Variants in NTM observed in about 807,000 individuals in gnomAD.
The protein encoded by NTM is neurotrimin.
NTM carries 13 observed loss-of-function variants against 42.1 expected under a neutral mutation model. The ratio of observed to expected loss-of-function variants is 0.31; its 90% CI spans 0.20 to 0.49. The LOEUF is 0.49. NTM is among the 20% of genes least tolerant of loss of function. The probability of loss-of-function intolerance (pLI) is 0.99; values close to 1 mark genes in which losing one functional copy is unlikely to be tolerated. For synonymous variants in NTM, 187 were observed against 179.2 expected (o/e 1.04, Z -0.35); for missense variants, 373 against 452.8 (o/e 0.82, Z 1.60).
intron 1 of NTM, among the ~76,000 whole-genome samples, chr11:131,465,960 C>T (rs1283464605): frequency 6.6e-6 from 1 of 152,222 alleles, no homozygotes; most frequent in Non-Finnish European, 1.5e-5. Context: ...GGGGGCATGG[C>T]CCTTTGAGCG....
chr11:131,930,191 C>A (rs2058439245), intron 2 of NTM, among the ~76,000 whole-genome samples: 1 of 152,136 alleles, frequency 6.6e-6, no homozygotes, highest in Non-Finnish European at 1.5e-5. Flanking sequence ...ATTAGAAATG[C>A]ATTTGAAACT....
At chr11:131,743,232 GTT>G (rs1179655978) in intron 1 of NTM, among the ~76,000 whole-genome samples, 3 of 141,082 alleles carry the variant, frequency 2.1e-5, no homozygotes, top group African/African-American at 7.7e-5. Context: ...ATTGTTAATG[GTT>G]TTTTTTTTTT....
At chr11:131,426,611 G>A (rs376167111) in intron 1 of NTM, among the ~76,000 whole-genome samples, 5 of 152,062 alleles carry the variant, frequency 3.3e-5, no homozygotes, top group Admixed American at 1.3e-4. Context: ...GCATTTCGGC[G>A]GCTCTTAATC....
At chr11:131,430,743 C>A (rs1467666405) in intron 1 of NTM, among the ~76,000 whole-genome samples, 6 of 152,222 alleles carry the variant, frequency 3.9e-5, no homozygotes, top group African/African-American at 1.2e-4. Flanking sequence ...AGGTCCTCTG[C>A]CCCCCACCAT....
At chr11:131,461,542 C>T (rs1027561589) in intron 1 of NTM, among the ~76,000 whole-genome samples, 15 of 151,864 alleles carry the variant, frequency 9.9e-5, no homozygotes, top group Non-Finnish European at 2.1e-4. Flanking sequence ...CCAGGGGTAG[C>T]GGGGTGGAGG....
intron 1 of NTM, among the ~76,000 whole-genome samples, chr11:131,666,584 G>A (rs1300061932): frequency 6.6e-6 from 1 of 152,170 alleles, no homozygotes; most frequent in Non-Finnish European, 1.5e-5. Flanking sequence ...ACAAACACAT[G>A]CATTTCTGAC....
chr11:131,453,792 C>T (rs899967083), intron 1 of NTM, among the ~76,000 whole-genome samples: 2 of 148,172 alleles, frequency 1.3e-5, no homozygotes, highest in African/African-American at 2.4e-5. Flanking sequence ...AGGTATCTGC[C>T]TGGGGAGGAC....
chr11:131,513,787 G>C (rs773352005), intron 1 of NTM, among the ~76,000 whole-genome samples: 1 of 152,178 alleles, frequency 6.6e-6, no homozygotes, highest in African/African-American at 2.4e-5. Context: ...GTTGTGTAAA[G>C]GTCCCTGGCA....
At chr11:131,987,799 A>G (rs1414292042) in intron 2 of NTM, among the ~76,000 whole-genome samples, 1 of 152,234 alleles carries the variant, frequency 6.6e-6, no homozygotes, top group Admixed American at 6.5e-5. Flanking sequence ...TCTTCATTTG[A>G]ACAGTCAGCC....
chr11:131,541,960 C>G lies in NTM; in HGVS notation c.82+171072C>G, dbSNP rs145952406. ...ACTAAATTTATCTTTTTGGTGTGTT[C>G]TTCTTGGTGAACATCAGTATATGTG... On this transcript the variant is annotated intron_variant, in intron 1 of 8. Transcript: ENST00000683400. 1.4e-4 allele frequency among the ~76,000 whole-genome samples: 22 copies of G among 152,186 alleles called. No homozygotes were observed. The East Asian group carries it at 4.0e-3, about 28-fold the overall frequency.
intron 2 of NTM, among the ~76,000 whole-genome samples, chr11:131,977,411 T>A (rs1193886842): frequency 6.6e-6 from 1 of 152,228 alleles, no homozygotes; most frequent in Non-Finnish European, 1.5e-5. Flanking sequence ...TAGCTCTGTA[T>A]GTTTTAACTG....
At chr11:131,504,400 G>T (rs868634199) in intron 1 of NTM, among the ~76,000 whole-genome samples, 1 of 152,148 alleles carries the variant, frequency 6.6e-6, no homozygotes, top group African/African-American at 2.4e-5. Flanking sequence ...AGATAGGACC[G>T]CAGCTACCCA....
intron 2 of NTM, among the ~76,000 whole-genome samples, chr11:132,085,156 C>G (rs938743965): frequency 1.8e-4 from 28 of 152,136 alleles, no homozygotes; most frequent in African/African-American, 6.5e-4. Flanking sequence ...TATTTTATCC[C>G]AAGGCAAAAA....
Position 131,420,146 on chromosome 11 carries a change from C to T in NTM, c.82+49258C>T, listed in dbSNP as rs143820017. On this transcript the variant is annotated intron_variant, in intron 1 of 8. Coordinates refer to ENST00000683400, the MANE Select transcript of NTM (RefSeq NM_001352005.2). ...TCTCTGGGACCTGCAAACAAGATGC[C>T]GCCTATGGAGAAAGGAACTTTGCTG... 1.1e-4 allele frequency among the ~76,000 whole-genome samples: 16 copies of T among 152,260 alleles called. No individual in the cohort carries two copies. In the East Asian group the frequency reaches 2.1e-3, roughly 20 times the overall value.
chr11:131,823,908 C>T (rs137976196), intron 1 of NTM, among the ~76,000 whole-genome samples: 8 of 152,228 alleles, frequency 5.3e-5, no homozygotes, highest in Middle Eastern at 3.4e-3. Context: ...GACATGAAAG[C>T]GCATGGAATA....
At chr11:131,759,368 G>A (rs570078887) in intron 1 of NTM, among the ~76,000 whole-genome samples, 1 of 152,316 alleles carries the variant, frequency 6.6e-6, no homozygotes, top group Non-Finnish European at 1.5e-5. Flanking sequence ...ATTGCCTGGT[G>A]TTCTGGAACC....
intron 1 of NTM, among the ~76,000 whole-genome samples, chr11:131,512,481 A>G (rs941249452): frequency 1.3e-5 from 2 of 151,432 alleles, no homozygotes; most frequent in African/African-American, 4.9e-5. Flanking sequence ...CCAGAGGCCG[A>G]CTCCCACAGC....
intron 4 of NTM, among the ~76,000 whole-genome samples, chr11:132,254,717 G>T (rs1379666646): frequency 1.3e-5 from 2 of 152,180 alleles, no homozygotes; most frequent in Admixed American, 1.3e-4. Context: ...GGTGATGGCT[G>T]CTGGGTTAAA....
At chr11:132,136,748 C>A (rs1321329976) in intron 2 of NTM, among the ~76,000 whole-genome samples, 1 of 152,076 alleles carries the variant, frequency 6.6e-6, no homozygotes, top group Non-Finnish European at 1.5e-5. Context: ...AAGTCATGTT[C>A]AAGTTCTAAG....
Sources: allele counts gnomAD v4.1 joint callset (sites outside exome capture counted in the v4.1 genomes callset), GRCh38; gene constraint gnomAD v4.1.1; transcripts MANE v1.5; gene names NCBI Gene and HGNC (gene_info 2026-07-23, HGNC 2026-07-21).